Variants in EREG observed in about 807,000 individuals in gnomAD.
The protein encoded by EREG is epiregulin, also known as proepiregulin.
In EREG, 23 loss-of-function variants were observed where a neutral mutation model predicts 22.4. That is an observed-to-expected ratio of 1.03 (90% CI 0.74 to 1.46). EREG has a LOEUF of 1.46. Ranked by LOEUF, EREG falls within the 40% of genes most tolerant of loss-of-function variation. EREG has a pLI of 0.00. For synonymous variants in EREG, 100 were observed against 75.4 expected, an observed-to-expected ratio of 1.33 and a Z score of -1.69; for missense variants, 226 against 205.9, an observed-to-expected ratio of 1.10 and a Z score of -0.60.
chr4:74,365,456 A>C (rs1200151027), intron 1 of EREG, 81 bp downstream of exon 1: 1 of 1,144,562 alleles, frequency 8.7e-7, no homozygotes, highest in Non-Finnish European at 1.2e-6. Context: ...TCATTCGACA[A>C]GTACGGAGTT....
At chr4:74,373,653 A>ATGTATATATG (rs61568277) in intron 1 of EREG, among the ~76,000 whole-genome samples, 111,468 of 146,336 alleles carry the variant, frequency 0.76, 42,737 homozygotes, top group Admixed American at 0.82. Context: ...TAAGTAATAT[A>ATGTATATATG]TGTATATATG....
Position 74,365,307 on chromosome 4 carries a change from C to A in EREG, c.-2C>A, listed in dbSNP as rs140211170. 2 of 1,603,656 alleles carry A rather than the reference C, an allele frequency of 1.2e-6. No homozygotes were observed. The highest frequency in any genetic ancestry group is 2.2e-5 in the East Asian group (1 of 44,876). On this transcript the variant is annotated 5_prime_UTR_variant, in exon 1 of 5. Coordinates refer to ENST00000244869, the MANE Select transcript of EREG (RefSeq NM_001432.3). ...AAGCCCCAGCGCCCGCTCCCATCGC[C>A]GATGACCGCGGGGAGGAGGATGGAG...
At chr4:74,371,131 G>C (rs187009481) in intron 1 of EREG, among the ~76,000 whole-genome samples, 20 of 152,034 alleles carry the variant, frequency 1.3e-4, no homozygotes, top group African/African-American at 4.6e-4. Flanking sequence ...GCCAATGAGG[G>C]ATACAATTTT....
intron 1 of EREG, among the ~76,000 whole-genome samples, chr4:74,372,258 G>A (rs577718833): frequency 6.6e-6 from 1 of 152,340 alleles, no homozygotes; most frequent in East Asian, 1.9e-4. Context: ...CCTGCAGTGT[G>A]TGAGTTGTAT....
In EREG at chr4:74,386,227, T is replaced by G. The variant is rs951347559; in HGVS notation, c.*1419T>G. ...TTGAGTAGAGTCTCCCTGGATCACA[T>G]ACCAGGTCAGGGAGGATCTGTTCTT... is the stretch of plus-strand genomic sequence containing the variant. On this transcript the variant is annotated 3_prime_UTR_variant, in exon 5 of 5. Transcript: ENST00000244869. 1 of 165,428 alleles carries G rather than the reference T, an allele frequency of 6.0e-6. No homozygotes were observed. The highest frequency in any genetic ancestry group is 1.3e-5 in the Non-Finnish European group (1 of 77,074). 10.2% of individuals were successfully genotyped at this position (165,428 alleles called of 1,614,324 possible). A position where few individuals can be genotyped will look rare whatever the true frequency, so the allele number is the denominator to read the frequency against.
At chr4:74,378,284 T>G (rs553106405) in intron 1 of EREG, among the ~76,000 whole-genome samples, 3 of 152,226 alleles carry the variant, frequency 2.0e-5, no homozygotes, top group East Asian at 3.9e-4. Context: ...GTCATTCTAG[T>G]TATCACGCAC....
intron 1 of EREG, among the ~76,000 whole-genome samples, chr4:74,376,671 A>G (rs1752386564): frequency 6.6e-6 from 1 of 152,216 alleles, no homozygotes. Context: ...TATATTGTAG[A>G]AAAAGCATGG....
Position 74,368,252 on chromosome 4 carries a change from C to G in EREG, c.67+2877C>G, listed in dbSNP as rs1578815751. Among the ~76,000 whole-genome samples the G allele has an allele frequency of 2.0e-5, 3 of 152,208 alleles. No homozygotes were observed. In the South Asian group the frequency reaches 6.2e-4, roughly 31 times the overall value. On this transcript the variant is annotated intron_variant, in intron 1 of 4. Coordinates refer to ENST00000244869, the MANE Select transcript of EREG (RefSeq NM_001432.3). The stretch of plus-strand genomic sequence containing the variant: ...ATCAGGCAAATAAAAGGTGACTATT[C>G]TCTTAAGCTGTGCTAAAATATGTTG...
In EREG at chr4:74,387,498, T is replaced by C. The variant is rs1159040460; in HGVS notation, c.*2690T>C. On this transcript the variant is annotated 3_prime_UTR_variant, in exon 5 of 5. Transcript: ENST00000244869. Reference sequence around the variant, plus strand: ...CATCTTTAAGAATGCTTAAAAAAGCTAATCCCTAAAATAGTTAGATCTTTG... The same window carrying C: ...CATCTTTAAGAATGCTTAAAAAAGCCAATCCCTAAAATAGTTAGATCTTTG... The C allele has an allele frequency of 1.3e-5, 2 of 152,236 alleles. No individual in the cohort carries two copies. The highest frequency in any genetic ancestry group is 2.9e-5 in the Non-Finnish European group (2 of 68,032). The allele number at this position is 152,236 out of a possible 1,614,324, so 9.4% of individuals were successfully genotyped here. A position where few individuals can be genotyped will look rare whatever the true frequency, so the allele number is the denominator to read the frequency against.
intron 4 of EREG, among the ~76,000 whole-genome samples, chr4:74,384,138 C>T (rs1203988924): frequency 2.0e-5 from 3 of 152,062 alleles, no homozygotes; most frequent in Admixed American, 6.5e-5. Flanking sequence ...AGCTATGAGA[C>T]CTTGGACCTT....
chr4:74,375,963 A>G (rs1490840196), intron 1 of EREG, among the ~76,000 whole-genome samples: 1 of 152,210 alleles, frequency 6.6e-6, no homozygotes, highest in Non-Finnish European at 1.5e-5. Flanking sequence ...TCTCACAGAA[A>G]CTATCCTGAG....
intron 1 of EREG, among the ~76,000 whole-genome samples, chr4:74,371,444 C>T (rs1037466637): frequency 2.6e-5 from 4 of 152,102 alleles, no homozygotes; most frequent in Non-Finnish European, 5.9e-5. Context: ...TGATAACCAC[C>T]CTTTACTTCC....
At chr4:74,375,440 G>C (rs1752364397) in intron 1 of EREG, among the ~76,000 whole-genome samples, 1 of 147,084 alleles carries the variant, frequency 6.8e-6, no homozygotes, top group Non-Finnish European at 1.5e-5. Context: ...TGCCTCAGCC[G>C]CCTGAGTAGC....
intron 1 of EREG, among the ~76,000 whole-genome samples, chr4:74,370,445 A>T (rs1255393403): frequency 6.6e-6 from 1 of 152,212 alleles, no homozygotes; most frequent in Admixed American, 6.5e-5. Flanking sequence ...TAAAAATATT[A>T]AAAAAGATAT....
intron 1 of EREG, among the ~76,000 whole-genome samples, chr4:74,373,316 G>T (rs1752324778): frequency 6.6e-6 from 1 of 151,860 alleles, no homozygotes; most frequent in South Asian, 2.1e-4. Flanking sequence ...TACCTAAATT[G>T]GAAAGTATAA....
chr4:74,386,536 C>T lies in EREG; in HGVS notation c.*1728C>T, dbSNP rs1053662721. 1 of 152,170 alleles carries T rather than the reference C, an allele frequency of 6.6e-6. No homozygotes were observed. The highest frequency in any genetic ancestry group is 2.4e-5 in the African/African-American group (1 of 41,442). The allele number at this position is 152,170 out of a possible 1,614,324, so 9.4% of individuals were successfully genotyped here. A position where few individuals can be genotyped will look rare whatever the true frequency, so the allele number is the denominator to read the frequency against. On this transcript the variant is annotated 3_prime_UTR_variant, in exon 5 of 5. Transcript: ENST00000244869. ...CCTTAATGGATCATAGAATTGCAGT[C>T]ATTTGGTGCTCTGCTAACCATTTAT...
chr4:74,379,913 T>C (rs1264515267), intron 2 of EREG, among the ~76,000 whole-genome samples: 1 of 152,198 alleles, frequency 6.6e-6, no homozygotes, highest in Non-Finnish European at 1.5e-5. Context: ...ATCTCTCTCT[T>C]TCTACCCCTC....
chr4:74,370,628 A>T (rs1050925602), intron 1 of EREG, among the ~76,000 whole-genome samples: 2 of 151,726 alleles, frequency 1.3e-5, no homozygotes, highest in East Asian at 1.9e-4. Flanking sequence ...TGTGTGTGTG[A>T]GAGAGAGAGA....
rs1033117891 is a variant in EREG, at chr4:74,388,025, T to A, written c.*3217T>A. On this transcript the variant is annotated 3_prime_UTR_variant, in exon 5 of 5. Transcript: ENST00000244869. ...GCCGAAAGTCAAAGTGATGGGAGAA[T>A]TGGTATACTGGTATGACTACGTCTT... The A allele has an allele frequency of 6.6e-6, 1 of 152,220 alleles. No homozygotes were observed. The highest frequency in any genetic ancestry group is 1.5e-5 in the Non-Finnish European group (1 of 68,034). 9.4% of individuals were successfully genotyped at this position (152,220 alleles called of 1,614,324 possible). A position where few individuals can be genotyped will look rare whatever the true frequency, so the allele number is the denominator to read the frequency against.
Sources: allele counts gnomAD v4.1 joint callset (sites outside exome capture counted in the v4.1 genomes callset), GRCh38; gene constraint gnomAD v4.1.1; transcripts MANE v1.5; gene names NCBI Gene and HGNC (gene_info 2026-07-23, HGNC 2026-07-21).